Variants in LMBR1L observed in about 807,000 individuals in gnomAD.
LMBR1L encodes protein LMBR1L.
LMBR1L carries 47 observed loss-of-function variants against 67.3 expected under a neutral mutation model. The ratio of observed to expected loss-of-function variants is 0.70; its 90% CI spans 0.55 to 0.89. The LOEUF (loss-of-function observed/expected upper bound fraction) is 0.89, where lower values mean the gene tolerates loss of function less well. LMBR1L is among the 40% of genes least tolerant of loss of function. The pLI, the probability that LMBR1L is intolerant of heterozygous loss-of-function variation, is 0.00. For missense variants in LMBR1L, 533 were observed against 599.2 expected, an observed-to-expected ratio of 0.89 and a Z score of 1.15; for synonymous variants, 247 against 250.3, an observed-to-expected ratio of 0.99 and a Z score of 0.13.
intron 16 of LMBR1L, 22 bp from the exon 17 acceptor site, chr12:49,097,761 G>A (rs1197784968): frequency 1.2e-6 from 2 of 1,613,990 alleles, no homozygotes; most frequent in Non-Finnish European, 8.5e-7. Flanking sequence ...GAGATGGGCA[G>A]TCAAAAGCAA....
At chr12:49,110,439 G>A in intron 1 of LMBR1L, 45 bp downstream of exon 1, 2 of 1,585,618 alleles carry the variant, frequency 1.3e-6, no homozygotes, top group East Asian at 4.5e-5. Context: ...CAACCTCCCC[G>A]TCTCCCGCAA....
chr12:49,104,139 A>G, intron 5 of LMBR1L: 1 of 470,826 alleles, frequency 2.1e-6, no homozygotes, highest in Non-Finnish European at 3.8e-6. Context: ...GGTAGAAAAA[A>G]GGTGAGGGTA....
Position 49,098,203 on chromosome 12 carries a change from T to A in LMBR1L, c.1241-98A>T. The A allele has an allele frequency of 2.3e-6, 3 of 1,290,494 alleles. 1 individual carries two copies. The highest frequency in any genetic ancestry group is 3.3e-6 in the Non-Finnish European group (3 of 915,762). The allele number at this position is 1,290,494 out of a possible 1,614,324, so 79.9% of individuals were successfully genotyped here. On this transcript the variant is annotated intron_variant, in intron 15 of 16. Transcript: ENST00000267102. ...CCTCCTGGTGGCCACATTTCAACAC[T>A]GCAACTGATAGGTTGGCCTCTCCCA...
In LMBR1L at chr12:49,098,052, T is replaced by G. The variant is rs924320478; in HGVS notation, c.1294A>C (p.Asn432His). 3.1e-6 allele frequency: 5 copies of G among 1,614,010 alleles called. No homozygotes were observed. The highest frequency in any genetic ancestry group is 4.2e-6 in the Non-Finnish European group (5 of 1,180,040). The change falls in exon 16 of 17, where the codon AAT becomes CAT. Residue 432 changes from asparagine to histidine, a missense_variant. Asn to His is a moderately conservative substitution (Grantham distance 68). Coordinates refer to ENST00000267102, the MANE Select transcript of LMBR1L (RefSeq NM_018113.4). ...TTGTAGAGGAACACAATGTAGAAATTGCCCAGCCAGTTGAAGCGTCCAAAG... is the reference window on the plus strand; with the variant it reads ...TTGTAGAGGAACACAATGTAGAAATGGCCCAGCCAGTTGAAGCGTCCAAAG... ...GDFGRFNWLG[N>H]FYIVFLYNAA...
chr12:49,102,101 C>A lies in LMBR1L; in HGVS notation c.930+19G>T. ...AGTACTGAGGGTCCACTCCTCACCT[C>A]TAGGGCTGGTATACCTACCGTCAGC... On this transcript the variant is annotated intron_variant, in intron 11 of 16. Coordinates refer to ENST00000267102, the MANE Select transcript of LMBR1L (RefSeq NM_018113.4). 1 of 1,612,600 alleles carries A rather than the reference C, an allele frequency of 6.2e-7. No individual in the cohort carries two copies. The highest frequency in any genetic ancestry group is 1.1e-5 in the South Asian group (1 of 91,046).
intron 1 of LMBR1L, among the ~76,000 whole-genome samples, chr12:49,108,758 A>G (rs926634414): frequency 1.3e-5 from 2 of 152,026 alleles, no homozygotes; most frequent in Middle Eastern, 3.2e-3. Flanking sequence ...AAAACAAAAA[A>G]AACACCAGAG....
chr12:49,107,519 C>T (rs1448296807), intron 1 of LMBR1L, among the ~76,000 whole-genome samples: 3 of 152,252 alleles, frequency 2.0e-5, no homozygotes, highest in African/African-American at 7.2e-5. Flanking sequence ...TACCTCCATG[C>T]ACACTGCTGC....
chr12:49,106,024 A>G lies in LMBR1L; in HGVS notation c.158-67T>C, dbSNP rs981546502. On this transcript the variant is annotated intron_variant, in intron 2 of 16. Transcript: ENST00000267102. The stretch of plus-strand genomic sequence containing the variant: ...AGGGGGCAGCTCTGAGGCCGTTAGT[A>G]TTACAATGTGCTCCCTGCCCCATCC... 12 of 1,381,728 alleles carry G rather than the reference A, an allele frequency of 8.7e-6. No homozygotes were observed. In the East Asian group the frequency reaches 1.9e-4, roughly 21 times the overall value. The allele number at this position is 1,381,728 out of a possible 1,614,324, so 85.6% of individuals were successfully genotyped here.
chr12:49,102,444 C>G (rs1412915193), intron 9 of LMBR1L, 24 bp downstream of exon 9: 2 of 1,614,090 alleles, frequency 1.2e-6, no homozygotes, highest in South Asian at 2.2e-5. Flanking sequence ...CCTACCACCC[C>G]AGCAGGGAAG....
At chr12:49,099,571 C>T (rs1023616859) in intron 15 of LMBR1L, among the ~76,000 whole-genome samples, 1 of 151,598 alleles carries the variant, frequency 6.6e-6, no homozygotes, top group African/African-American at 2.4e-5. Flanking sequence ...GAACTAGTTA[C>T]ACTCTTGAAC....
At position 49,100,420 on chromosome 12, in the gene LMBR1L, CT is replaced by C; in HGVS notation, c.1207del (p.Ser403AlafsTer50). 5.0e-6 allele frequency: 8 copies of C among 1,614,028 alleles called. No homozygotes were observed. The highest frequency in any genetic ancestry group is 6.8e-6 in the Non-Finnish European group (8 of 1,179,880). On this transcript the variant is annotated frameshift_variant, in exon 15 of 17. Transcript: ENST00000267102. LOFTEE classifies it high-confidence loss of function. ...TCGAGAGAAGACAGGAAGTGCTGAG[CT>C]TAGGACCAGGAGACAGACACAGTTC... The part of the protein sequence containing the change: ...IGNCVCLLVL[S>X]SALPVFSRTL...
rs764758954 is a variant in LMBR1L at position 49,104,786 on chromosome 12, C to A, written c.291G>T (p.Arg97=). Reference sequence around the variant, plus strand: ...CGTTGAGCCACTGGATGTAGTAGTTCCGAGGCAGGGAGAGCAGCACCTCAT... The same window carrying A: ...CGTTGAGCCACTGGATGTAGTAGTTACGAGGCAGGGAGAGCAGCACCTCAT... ...ISNEVLLSLP[R]NYYIQWLNGS... The change falls in exon 4 of 17, where the codon CGG becomes CGT. Residue 97 remains arginine, a synonymous_variant. Transcript: ENST00000267102. The A allele has an allele frequency of 1.2e-6, 2 of 1,613,614 alleles. No homozygotes were observed. Among genetic ancestry groups the A allele is most frequent in the Non-Finnish European group, 8.5e-7 (1 of 1,179,882 alleles).
Position 49,101,380 on chromosome 12 carries a change from C to A in LMBR1L, c.1009-57G>T. On this transcript the variant is annotated intron_variant, in intron 12 of 16. Transcript: ENST00000267102. ...TCCCCACCATCAGCACTACCCGGCA[C>A]CCAGCCTTCCCACTGTCCTCAGCTT... 6 of 1,604,222 alleles carry A rather than the reference C, an allele frequency of 3.7e-6. 1 individual carries two copies. The highest frequency in any genetic ancestry group is 4.3e-6 in the Non-Finnish European group (5 of 1,171,492).
rs1474872149 is a variant in LMBR1L, at chr12:49,103,239, C to T, written c.563-80G>A. The stretch of plus-strand genomic sequence containing the variant: ...AGGCTGACAGGCCTCAGAGTCTAGA[C>T]AAGGGCACAGTCCCCACAGGGGTTA... On this transcript the variant is annotated intron_variant, in intron 6 of 16. Coordinates refer to ENST00000267102, the MANE Select transcript of LMBR1L (RefSeq NM_018113.4). 6.5e-6 allele frequency: 8 copies of T among 1,227,626 alleles called. No individual in the cohort carries two copies. In the East Asian group the frequency reaches 2.0e-4, roughly 30 times the overall value. 76.0% of individuals were successfully genotyped at this position (1,227,626 alleles called of 1,614,324 possible). A position where few individuals can be genotyped will look rare whatever the true frequency, so the allele number is the denominator to read the frequency against.
At chr12:49,100,901 G>T in intron 13 of LMBR1L, 2 of 548,470 alleles carry the variant, frequency 3.6e-6, no homozygotes, top group Non-Finnish European at 6.4e-6. Context: ...CTAATTTTTT[G>T]TACTTTTTGT....
rs1368223794 is a variant in LMBR1L at position 49,102,545 on chromosome 12, G to A, written c.697-5C>T. The stretch of plus-strand genomic sequence containing the variant: ...CTCCTCCAGGTCTTCCAGCAGCTAG[G>A]GGCAGGGGAAAGGAAGAGACTAACT... On this transcript the variant is annotated splice_region_variant and splice_polypyrimidine_tract_variant and intron_variant, in intron 8 of 16. Transcript: ENST00000267102. 2.5e-6 allele frequency: 4 copies of A among 1,613,888 alleles called. No individual in the cohort carries two copies. The highest frequency in any genetic ancestry group is 3.4e-6 in the Non-Finnish European group (4 of 1,179,930).
In LMBR1L at chr12:49,104,484, G is replaced by A; in HGVS notation, c.399C>T (p.Phe133=). The change falls in exon 5 of 17, where the codon TTC becomes TTT. Residue 133 remains phenylalanine, a synonymous_variant. Coordinates refer to ENST00000267102, the MANE Select transcript of LMBR1L (RefSeq NM_018113.4). ...SLIFLMPFAY[F]FTESEGFAGS... ...CAGCAAAGCCCTCAGACTCAGTGAA[G>A]AAATATGCAAAGGGCATGAGGAAGA... 3 of 1,614,012 alleles carry A rather than the reference G, an allele frequency of 1.9e-6. No homozygotes were observed. The highest frequency in any genetic ancestry group is 2.2e-5 in the South Asian group (2 of 91,084).
chr12:49,107,644 C>T (rs541291437), intron 1 of LMBR1L, among the ~76,000 whole-genome samples: 1 of 152,206 alleles, frequency 6.6e-6, no homozygotes, highest in Admixed American at 6.5e-5. Context: ...CTCATTTAAT[C>T]CTCTACCCCT....
Position 49,097,586 on chromosome 12 carries a change from G to T in LMBR1L, c.*86C>A. On this transcript the variant is annotated 3_prime_UTR_variant, in exon 17 of 17. Coordinates refer to ENST00000267102, the MANE Select transcript of LMBR1L (RefSeq NM_018113.4). ...CCCACCCTCTCAGATTCCAGGTCCT[G>T]AGGTCCAAGTAGCCTTGGGCTTCCC... 7.4e-7 allele frequency: 1 copy of T among 1,353,690 alleles called. No individual in the cohort carries two copies. Among genetic ancestry groups the T allele is most frequent in the Admixed American group, 1.7e-5 (1 of 57,836 alleles). 83.9% of individuals were successfully genotyped at this position (1,353,690 alleles called of 1,614,324 possible).
Sources: gnomAD v4.1 joint callset for allele counts (sites outside exome capture counted in the v4.1 genomes callset) on GRCh38, gnomAD v4.1.1 for gene constraint, MANE v1.5 for transcripts, NCBI Gene and HGNC (gene_info 2026-07-23, HGNC 2026-07-21) for gene names.